ACTL8: variants seen among roughly 807,000 people sequenced by gnomAD.
ACTL8 encodes actin-like protein 8.
Under a neutral mutation model 9.3 loss-of-function variants are expected in ACTL8, and 3 were observed. That is an observed-to-expected ratio of 0.32 (90% CI 0.15 to 0.83). The LOEUF (loss-of-function observed/expected upper bound fraction) is 0.83, where lower values mean the gene tolerates loss of function less well. Among genes scored for constraint, ACTL8 ranks in the 40% least tolerant of loss-of-function variants. The probability of loss-of-function intolerance (pLI) is 0.57; values close to 1 mark genes in which losing one functional copy is unlikely to be tolerated. For missense variants in ACTL8, 381 were observed against 492.2 expected (o/e 0.77, Z 2.14); for synonymous variants, 224 against 205.9 (o/e 1.09, Z -0.75).
chr1:17,773,946 C>T (rs2066100086), intron 1 of ACTL8, among the ~76,000 whole-genome samples: 1 of 152,172 alleles, frequency 6.6e-6, no homozygotes, highest in Non-Finnish European at 1.5e-5. Flanking sequence ...TTATGTAATG[C>T]CTGGCACAAG....
intron 1 of ACTL8, among the ~76,000 whole-genome samples, chr1:17,808,139 G>A (rs2066370688): frequency 6.6e-6 from 1 of 152,186 alleles, no homozygotes; most frequent in African/African-American, 2.4e-5. Flanking sequence ...TTCCTTGCAA[G>A]ATGTTTACAA....
intron 1 of ACTL8, among the ~76,000 whole-genome samples, chr1:17,770,555 T>A (rs1018983269): frequency 6.6e-6 from 1 of 152,070 alleles, no homozygotes; most frequent in Non-Finnish European, 1.5e-5. Context: ...CAGAGAGCAG[T>A]GAGTTTATAG....
At chr1:17,807,024 G>C (rs1387970227) in intron 1 of ACTL8, among the ~76,000 whole-genome samples, 1 of 152,148 alleles carries the variant, frequency 6.6e-6, no homozygotes, top group Admixed American at 6.5e-5. Context: ...GCATTGCTTG[G>C]CTCATGGCCT....
chr1:17,772,664 A>G (rs1240744466), intron 1 of ACTL8, among the ~76,000 whole-genome samples: 1 of 152,156 alleles, frequency 6.6e-6, no homozygotes, highest in Non-Finnish European at 1.5e-5. Flanking sequence ...CTCCCTTTTG[A>G]ACGAGAGGGG....
intron 1 of ACTL8, among the ~76,000 whole-genome samples, chr1:17,776,180 C>T (rs2066116956): frequency 6.6e-6 from 1 of 152,202 alleles, no homozygotes; most frequent in Non-Finnish European, 1.5e-5. Flanking sequence ...GAAAGCAGCT[C>T]AGGATGAAGA....
At chr1:17,769,950 C>T (rs1317281194) in intron 1 of ACTL8, among the ~76,000 whole-genome samples, 1 of 152,184 alleles carries the variant, frequency 6.6e-6, no homozygotes, top group African/African-American at 2.4e-5. Context: ...CACCAGCTTG[C>T]AGTGTCTGGA....
chr1:17,758,061 T>C (rs754059863), intron 1 of ACTL8, among the ~76,000 whole-genome samples: 1 of 152,180 alleles, frequency 6.6e-6, no homozygotes, highest in Admixed American at 6.5e-5. Flanking sequence ...GACAGAGACA[T>C]AGAGAGATCC....
At chr1:17,778,763 C>T (rs967200879) in intron 1 of ACTL8, among the ~76,000 whole-genome samples, 2 of 152,088 alleles carry the variant, frequency 1.3e-5, no homozygotes, top group African/African-American at 2.4e-5. Context: ...GTCTTGGGCA[C>T]AATGTGTCTG....
At chr1:17,814,906 A>T (rs1473711070) in intron 1 of ACTL8, among the ~76,000 whole-genome samples, 1 of 152,250 alleles carries the variant, frequency 6.6e-6, no homozygotes, top group African/African-American at 2.4e-5. Context: ...TAGTACAATA[A>T]CATGCAGTAC....
chr1:17,794,408 T>G (rs370116051), intron 1 of ACTL8, among the ~76,000 whole-genome samples: 14 of 152,228 alleles, frequency 9.2e-5, no homozygotes, highest in Non-Finnish European at 2.1e-4. Context: ...CATGATTGCA[T>G]TGGCTACCAG....
At chr1:17,784,313 C>T (rs556362343) in intron 1 of ACTL8, among the ~76,000 whole-genome samples, 17 of 152,232 alleles carry the variant, frequency 1.1e-4, no homozygotes, top group African/African-American at 3.4e-4. Flanking sequence ...GGGGGAAGTC[C>T]GCCCCCATGA....
intron 1 of ACTL8, among the ~76,000 whole-genome samples, chr1:17,780,683 T>G (rs1057211897): frequency 3.7e-5 from 5 of 136,704 alleles, no homozygotes; most frequent in African/African-American, 5.2e-5. Context: ...CTTCAGTGCC[T>G]TGGTTGACAG....
At chr1:17,771,437 A>G (rs1052772632) in intron 1 of ACTL8, among the ~76,000 whole-genome samples, 18 of 152,184 alleles carry the variant, frequency 1.2e-4, no homozygotes, top group African/African-American at 3.9e-4. Context: ...TGTGTTTATT[A>G]AATGTCAGTC....
Position 17,823,182 on chromosome 1 carries a change from C to T in ACTL8, c.174C>T (p.Cys58=), listed in dbSNP as rs2053678562. ...GTGTGAGCCTGGGCATCGACATTTG[C>T]CATCCTGACACCTTTAGCTACCCCA... is the stretch of plus-strand genomic sequence containing the variant. ...RRRVSLGIDI[C]HPDTFSYPIE... Residue 58 remains cysteine, a synonymous_variant, in exon 2 of 3, where the codon TGC becomes TGT. Coordinates refer to ENST00000375406, the MANE Select transcript of ACTL8 (RefSeq NM_030812.3). The surrounding 1 kb of genome is among the most constrained non-coding windows in gnomAD (Gnocchi z 5.3). 1 of 1,614,180 alleles carries T rather than the reference C, an allele frequency of 6.2e-7. No individual in the cohort carries two copies. The highest frequency in any genetic ancestry group is 8.5e-7 in the Non-Finnish European group (1 of 1,180,030).
chr1:17,786,334 A>G (rs1331531214), intron 1 of ACTL8, among the ~76,000 whole-genome samples: 6 of 152,250 alleles, frequency 3.9e-5, no homozygotes, highest in Non-Finnish European at 7.3e-5. Flanking sequence ...TATGTGGATC[A>G]CTGGGTTCGC....
intron 1 of ACTL8, among the ~76,000 whole-genome samples, chr1:17,817,619 T>C (rs1465109101): frequency 6.6e-6 from 1 of 152,138 alleles, no homozygotes; most frequent in Non-Finnish European, 1.5e-5. Context: ...CACTAGACCT[T>C]AGAGGCCCTC....
chr1:17,796,274 A>G, intron 1 of ACTL8, among the ~76,000 whole-genome samples: 1 of 149,310 alleles, frequency 6.7e-6, no homozygotes, highest in African/African-American at 2.5e-5. Flanking sequence ...AACTTGATGG[A>G]GGGAGGAGGA....
intron 1 of ACTL8, among the ~76,000 whole-genome samples, chr1:17,790,096 C>G (rs940732315): frequency 1.3e-5 from 2 of 152,214 alleles, no homozygotes; most frequent in African/African-American, 4.8e-5. Context: ...GGTGCCAGCA[C>G]AGGTGCCAGC....
chr1:17,760,132 G>A (rs2065991265), intron 1 of ACTL8, among the ~76,000 whole-genome samples: 1 of 152,096 alleles, frequency 6.6e-6, no homozygotes, highest in East Asian at 1.9e-4. Context: ...TTTGTGTTAT[G>A]CGTTTTCATA....
Sources: allele counts gnomAD v4.1 joint callset (sites outside exome capture counted in the v4.1 genomes callset), GRCh38; gene constraint gnomAD v4.1.1; non-coding constraint Gnocchi (gnomAD v3.1); transcripts MANE v1.5; gene names NCBI Gene and HGNC (gene_info 2026-07-23, HGNC 2026-07-21).